POLDIP2: variants seen among roughly 807,000 people sequenced by gnomAD.
POLDIP2 encodes the protein DNA polymerase delta interacting protein 2.
Under a neutral mutation model 52.9 loss-of-function variants are expected in POLDIP2, and 32 were observed. The observed-to-expected ratio is 0.61, with a 90% CI of 0.46 to 0.81. The LOEUF (loss-of-function observed/expected upper bound fraction) is 0.81. POLDIP2 is among the 40% of genes least tolerant of loss of function. POLDIP2 has a pLI of 0.00. For missense variants in POLDIP2, 371 were observed against 477.3 expected, an observed-to-expected ratio of 0.78 and a Z score of 2.07; for synonymous variants, 183 against 183.0, an observed-to-expected ratio of 1.00 and a Z score of 0.00.
rs1907615956 is a variant in POLDIP2 at position 28,347,333 on chromosome 17, T to A, written c.*784A>T. On this transcript the variant is annotated 3_prime_UTR_variant, in exon 11 of 11. Transcript: ENST00000540200. ...ATCTGAGAGAAGCTCAGGAAGTAGCTTGACTTAGTCATCAATCCATACCTA... is the reference window on the plus strand; with the variant it reads ...ATCTGAGAGAAGCTCAGGAAGTAGCATGACTTAGTCATCAATCCATACCTA... The A allele has an allele frequency of 6.6e-6, 1 of 152,256 alleles. No individual in the cohort carries two copies. Among genetic ancestry groups the A allele is most frequent in the Non-Finnish European group, 1.5e-5 (1 of 68,060 alleles). The allele number at this position is 152,256 out of a possible 1,614,324, so 9.4% of individuals were successfully genotyped here. A position where few individuals can be genotyped will look rare whatever the true frequency, so the allele number is the denominator to read the frequency against.
intron 9 of POLDIP2, among the ~76,000 whole-genome samples, chr17:28,349,398 G>A (rs1030431567): frequency 2.1e-5 from 3 of 141,372 alleles, no homozygotes; most frequent in East Asian, 2.1e-4. Context: ...CTGAATGTCC[G>A]AAGGCACTGG....
chr17:28,353,432 G>C (rs1907891143), intron 4 of POLDIP2, 116 bp from the exon 5 acceptor site: 1 of 646,726 alleles, frequency 1.5e-6, no homozygotes, highest in Non-Finnish European at 2.8e-6. Context: ...TGAGGCAGGA[G>C]AATCACTTGA....
rs1555579191 is a variant in POLDIP2, at chr17:28,347,423, C to G, written c.*694G>C. On this transcript the variant is annotated 3_prime_UTR_variant, in exon 11 of 11. Coordinates refer to ENST00000540200, the MANE Select transcript of POLDIP2 (RefSeq NM_015584.5). ...ATGCTTGGCAGAGTCATGCTGAGGGCTGGCACACCCATTGCTCCAGGAAAC... is the reference window on the plus strand; with the variant it reads ...ATGCTTGGCAGAGTCATGCTGAGGGGTGGCACACCCATTGCTCCAGGAAAC... 6.6e-6 allele frequency: 1 copy of G among 152,318 alleles called. No individual in the cohort carries two copies. The highest frequency in any genetic ancestry group is 1.9e-4 in the East Asian group (1 of 5,196). 9.4% of individuals were successfully genotyped at this position (152,318 alleles called of 1,614,324 possible). A position where few individuals can be genotyped will look rare whatever the true frequency, so the allele number is the denominator to read the frequency against.
chr17:28,353,958 T>C (rs532435280), intron 3 of POLDIP2, among the ~76,000 whole-genome samples, 167 bp from the exon 4 acceptor site: 2 of 152,260 alleles, frequency 1.3e-5, no homozygotes, highest in East Asian at 1.9e-4. Context: ...TGCTCCTCAG[T>C]TGGGGCAAAT....
chr17:28,354,172 G>A (rs1407556713), intron 3 of POLDIP2, among the ~76,000 whole-genome samples: 1 of 152,190 alleles, frequency 6.6e-6, no homozygotes, highest in African/African-American at 2.4e-5. Flanking sequence ...TAGGGATGAT[G>A]TGAGATTGAG....
intron 6 of POLDIP2, among the ~76,000 whole-genome samples, chr17:28,352,537 C>CTTTTT (rs3032928): frequency 1.1e-4 from 14 of 129,218 alleles, no homozygotes; most frequent in East Asian, 2.4e-4. Context: ...GCACCCGGGC[C>CTTTTT]TTTTTTTTTT....
In POLDIP2 at chr17:28,348,231, C is replaced by T; in HGVS notation, c.993G>A (p.Trp331Ter). The part of the protein sequence containing the change: ...VSLQASSGHM[W>*]GTFRFERPDG... ...CAGGTCTTTCAAAGCGGAACGTGCC[C>T]CTACAGTCAGAAAGAAGCTGGTTTA... Residue 331 changes from tryptophan to a stop codon, truncating the protein, a stop_gained and splice_region_variant, in exon 11 of 11, where the codon TGG (tryptophan) becomes TGA (stop). Transcript: ENST00000540200. LOFTEE classifies it high-confidence loss of function. 1 of 1,608,158 alleles carries T rather than the reference C, an allele frequency of 6.2e-7. No homozygotes were observed. The highest frequency in any genetic ancestry group is 8.5e-7 in the Non-Finnish European group (1 of 1,174,646).
intron 6 of POLDIP2, 43 bp from the exon 7 acceptor site, chr17:28,351,843 A>G: frequency 6.3e-7 from 1 of 1,577,428 alleles, no homozygotes; most frequent in Non-Finnish European, 8.7e-7. Flanking sequence ...TGTGTTGTGG[A>G]TACAATTGTA....
intron 6 of POLDIP2, among the ~76,000 whole-genome samples, 156 bp from the exon 7 acceptor site, chr17:28,351,956 C>T (rs1290696761): frequency 6.6e-6 from 1 of 152,172 alleles, no homozygotes; most frequent in African/African-American, 2.4e-5. Context: ...AGCAAAAGTT[C>T]AGGCTGGAAG....
chr17:28,349,019 T>C, intron 10 of POLDIP2, 64 bp downstream of exon 10: 1 of 1,189,894 alleles, frequency 8.4e-7, no homozygotes, highest in Non-Finnish European at 1.2e-6. Flanking sequence ...AGCTCTCACT[T>C]TTCTGACCTA....
At chr17:28,352,861 C>T in intron 6 of POLDIP2, 51 bp downstream of exon 6, 1 of 1,126,346 alleles carries the variant, frequency 8.9e-7, no homozygotes, top group Admixed American at 2.0e-5. Flanking sequence ...CTATGATATT[C>T]TTTGATGAAA....
Position 28,357,390 on chromosome 17 carries a change from G to C in POLDIP2, c.59C>G (p.Ser20Trp). ...CCTTGGCCACCGGGCCCCAGTCAGC[G>C]ACCGGGACCACCAGCGGCTGCCCAC... ...LAVGSRWWSR[S>W]LTGARWPRPL... The change falls in exon 1 of 11, where the codon TCG (serine) becomes TGG (tryptophan). Residue 20 changes from serine (S) to tryptophan (W), a missense_variant. By Grantham distance (177) the Ser-to-Trp change is radical. Coordinates refer to ENST00000540200, the MANE Select transcript of POLDIP2 (RefSeq NM_015584.5). 3 of 1,531,152 alleles carry C rather than the reference G, an allele frequency of 2.0e-6. No homozygotes were observed. Among genetic ancestry groups the C allele is most frequent in the Non-Finnish European group, 2.6e-6 (3 of 1,149,694 alleles). 94.8% of individuals were successfully genotyped at this position (1,531,152 alleles called of 1,614,324 possible).
rs1250546351 is a variant in POLDIP2 at position 28,347,059 on chromosome 17, A to G, written c.*1058T>C. On this transcript the variant is annotated 3_prime_UTR_variant, in exon 11 of 11. Transcript: ENST00000540200. ...AGCAGGCCTTGACCAGCTTGCGGCC[A>G]TGGGCTGAGTTCCTGTGCTTCTGTT... The G allele has an allele frequency of 2.0e-5, 3 of 152,238 alleles. No homozygotes were observed. Among genetic ancestry groups the G allele is most frequent in the Non-Finnish European group, 2.9e-5 (2 of 68,056 alleles). The allele number at this position is 152,238 out of a possible 1,614,324, so 9.4% of individuals were successfully genotyped here. A position where few individuals can be genotyped will look rare whatever the true frequency, so the allele number is the denominator to read the frequency against.
At chr17:28,355,667 T>C (rs1907993685) in intron 2 of POLDIP2, 128 bp downstream of exon 2, 1 of 443,800 alleles carries the variant, frequency 2.3e-6, no homozygotes, top group Admixed American at 4.2e-5. Flanking sequence ...AATTTGATTC[T>C]GGAATGGCAC....
Position 28,353,249 on chromosome 17 carries a change from G to A in POLDIP2, c.506C>T (p.Ala169Val). 6.5e-7 allele frequency: 1 copy of A among 1,548,812 alleles called. No homozygotes were observed. Among genetic ancestry groups the A allele is most frequent in the Non-Finnish European group, 8.9e-7 (1 of 1,122,802 alleles). ...ANHDDSRALY[A>V]IPGLDYVSHE... is the part of the protein sequence containing the mutation. ...AAATGCTAACTACTCACCTGGGATG[G>A]CATAGAGGGCCCGACTGTCATCATG... Residue 169 changes from alanine to valine, a missense_variant, in exon 5 of 11, where the codon GCC becomes GTC. Physicochemically the swap from Ala to Val is moderately conservative, Grantham distance 64. Transcript: ENST00000540200.
chr17:28,350,855 A>G lies in POLDIP2; in HGVS notation c.760-63T>C, dbSNP rs1222663713. The G allele has an allele frequency of 3.1e-6, 4 of 1,302,886 alleles. No individual in the cohort carries two copies. In the South Asian group the frequency reaches 3.8e-5, roughly 12 times the overall value. 80.7% of individuals were successfully genotyped at this position (1,302,886 alleles called of 1,614,324 possible). A position where few individuals can be genotyped will look rare whatever the true frequency, so the allele number is the denominator to read the frequency against. ...CAAGACCAAGTGTGTTCCAATCAAC[A>G]TCTCTCCAGTGCAGTTGATGTATTC... On this transcript the variant is annotated intron_variant, in intron 7 of 10. Coordinates refer to ENST00000540200, the MANE Select transcript of POLDIP2 (RefSeq NM_015584.5).
chr17:28,354,602 G>A lies in POLDIP2; in HGVS notation c.244-17C>T, dbSNP rs1555580604. ...AAGGAAAAGCTGGAAGGAAAGAGGG[G>A]CCTCAGTGAGTCTGCAGTCCAGCAA... On this transcript the variant is annotated splice_polypyrimidine_tract_variant and intron_variant, in intron 2 of 10. Transcript: ENST00000540200. 5.3e-6 allele frequency: 7 copies of A among 1,320,450 alleles called. No individual in the cohort carries two copies. The Admixed American group carries it at 1.4e-4, about 26-fold the overall frequency. 81.8% of individuals were successfully genotyped at this position (1,320,450 alleles called of 1,614,324 possible). A position where few individuals can be genotyped will look rare whatever the true frequency, so the allele number is the denominator to read the frequency against.
In POLDIP2 at chr17:28,349,170, G is replaced by A; in HGVS notation, c.913-8C>T. On this transcript the variant is annotated splice_region_variant and splice_polypyrimidine_tract_variant and intron_variant, in intron 9 of 10. Transcript: ENST00000540200. ...CTTGGATAACACTGGTTCCTGTAAA[G>A]GTTTAGGCAAAATGGGTCAGGCCAA... The A allele has an allele frequency of 6.2e-7, 1 of 1,610,932 alleles. No individual in the cohort carries two copies. Among genetic ancestry groups the A allele is most frequent in the Non-Finnish European group, 8.5e-7 (1 of 1,177,912 alleles).
intron 3 of POLDIP2, 147 bp downstream of exon 3, chr17:28,354,341 G>T (rs1453531929): frequency 3.2e-6 from 2 of 629,882 alleles, no homozygotes; most frequent in Non-Finnish European, 5.6e-6. Context: ...CAGCACTTTT[G>T]TCTCCATGGG....
Sources: gnomAD v4.1 joint callset for allele counts (sites outside exome capture counted in the v4.1 genomes callset) on GRCh38, gnomAD v4.1.1 for gene constraint, MANE v1.5 for transcripts, NCBI Gene and HGNC (gene_info 2026-07-23, HGNC 2026-07-21) for gene names.